Variants in LVRN observed in about 807,000 individuals in gnomAD.
The protein encoded by LVRN is aminopeptidase Q.
Under a neutral mutation model 111.4 loss-of-function variants are expected in LVRN, and 99 were observed. The ratio of observed to expected loss-of-function variants is 0.89; its 90% CI spans 0.76 to 1.05. The LOEUF (loss-of-function observed/expected upper bound fraction) is 1.05. Ranked by LOEUF, LVRN falls within the 50% of genes least tolerant of loss-of-function variation. The pLI is 0.00. For missense variants in LVRN, 1,414 were observed against 1,206.8 expected, an observed-to-expected ratio of 1.17 and a Z score of -2.54; for synonymous variants, 488 against 449.5, an observed-to-expected ratio of 1.09 and a Z score of -1.08.
chr5:115,987,975 C>T (rs956727044), intron 4 of LVRN, 36 bp downstream of exon 4: 2 of 1,594,606 alleles, frequency 1.3e-6, no homozygotes, highest in Non-Finnish European at 1.7e-6. Flanking sequence ...CATTTGGTTT[C>T]CTGTTATTTG....
Position 116,015,748 on chromosome 5 carries a change from G to T in LVRN, c.2739G>T (p.Trp913Cys), listed in dbSNP as rs1455191468. ...YVAKDFLVNN[W>C]QAVSKRYGTQ... Reference sequence around the variant, plus strand: ...CAAAAGACTTCTTAGTCAACAACTGGCAAGCTGTGAGTAAAAGGTAAGAAG... The same window carrying T: ...CAAAAGACTTCTTAGTCAACAACTGTCAAGCTGTGAGTAAAAGGTAAGAAG... Residue 913 changes from tryptophan to cysteine, a missense_variant, in exon 18 of 20, where the codon TGG becomes TGT. Transcript: ENST00000357872. 1 of 1,613,174 alleles carries T rather than the reference G, an allele frequency of 6.2e-7. No homozygotes were observed. Among genetic ancestry groups the T allele is most frequent in the African/African-American group, 1.3e-5 (1 of 74,860 alleles).
intron 1 of LVRN, among the ~76,000 whole-genome samples, chr5:115,969,898 C>T (rs1753286182): frequency 6.6e-6 from 1 of 151,236 alleles, no homozygotes; most frequent in African/African-American, 2.4e-5. Flanking sequence ...TTTTAATATC[C>T]TTGAGCATAT....
At chr5:116,024,245 A>G (rs181470515) in intron 19 of LVRN, among the ~76,000 whole-genome samples, 3 of 152,290 alleles carry the variant, frequency 2.0e-5, no homozygotes, top group Admixed American at 1.3e-4. Context: ...TCCCGATAAA[A>G]TTGATTAAAA....
At chr5:115,975,868 C>A (rs1402126591) in intron 1 of LVRN, 2 of 155,550 alleles carry the variant, frequency 1.3e-5, no homozygotes, top group Non-Finnish European at 1.5e-5. Context: ...TAAATCAATT[C>A]TGTGTTCTGA....
intron 10 of LVRN, among the ~76,000 whole-genome samples, chr5:116,001,996 C>T (rs1481818892): frequency 6.6e-6 from 1 of 152,228 alleles, no homozygotes; most frequent in Non-Finnish European, 1.5e-5. Context: ...TTAATCTTCA[C>T]ATTTCATTGC....
chr5:115,993,516 T>C (rs1748040901), intron 5 of LVRN, among the ~76,000 whole-genome samples: 1 of 152,200 alleles, frequency 6.6e-6, no homozygotes, highest in South Asian at 2.1e-4. Flanking sequence ...AAAATTGCTT[T>C]TAATAATTGA....
chr5:115,982,074 C>T (rs780037318), intron 1 of LVRN, among the ~76,000 whole-genome samples: 3 of 152,074 alleles, frequency 2.0e-5, no homozygotes, highest in Non-Finnish European at 4.4e-5. Flanking sequence ...CCACAGGGCT[C>T]GTTCCAGTCT....
rs373152073 is a variant in LVRN at position 116,026,097 on chromosome 5, G to A, written c.2952G>A (p.Ala984=). The change falls in exon 20 of 20, where the codon GCG becomes GCA. Residue 984 remains alanine (A), a synonymous_variant. Coordinates refer to ENST00000357872, the MANE Select transcript of LVRN (RefSeq NM_173800.5). ...KNKKLSARIA[A]WLRRNT The stretch of plus-strand genomic sequence containing the variant: ...AGAAGCTAAGTGCCAGGATAGCTGC[G>A]TGGCTAAGGAGAAACACATAGCTTG... 159 of 1,613,794 alleles carry A rather than the reference G, an allele frequency of 9.9e-5. 1 individual carries two copies. The highest frequency in any genetic ancestry group is 3.8e-4 in the East Asian group (17 of 44,870).
intron 4 of LVRN, among the ~76,000 whole-genome samples, chr5:115,990,404 C>A (rs1025986002): frequency 1.3e-5 from 2 of 151,992 alleles, no homozygotes; most frequent in Admixed American, 6.6e-5. Flanking sequence ...TGAAGTATTT[C>A]TTTGGTGCAT....
At chr5:115,998,412 T>TAA (rs1561562830) in intron 6 of LVRN, among the ~76,000 whole-genome samples, 1 of 152,144 alleles carries the variant, frequency 6.6e-6, no homozygotes, top group East Asian at 1.9e-4. Flanking sequence ...ATGAGCAAGA[T>TAA]AAAAAGTTTT....
chr5:115,968,230 A>G (rs1022738965), intron 1 of LVRN, among the ~76,000 whole-genome samples: 8 of 151,058 alleles, frequency 5.3e-5, no homozygotes, highest in Non-Finnish European at 1.2e-4. Flanking sequence ...AGGTTTCTGT[A>G]TATGTTTTTT....
chr5:116,016,689 A>G (rs1420171521), intron 18 of LVRN, among the ~76,000 whole-genome samples: 1 of 152,210 alleles, frequency 6.6e-6, no homozygotes, highest in East Asian at 1.9e-4. Flanking sequence ...GGAAACCTAG[A>G]GTTTTCCATA....
chr5:115,990,165 CTCAAG>C (rs2112581209), intron 4 of LVRN, among the ~76,000 whole-genome samples: 1 of 152,254 alleles, frequency 6.6e-6, no homozygotes, highest in African/African-American at 2.4e-5. Context: ...TTAATTCACT[CTCAAG>C]TCAAAAGTTG....
chr5:115,974,893 A>G (rs1469997747), intron 1 of LVRN: 1 of 458,960 alleles, frequency 2.2e-6, no homozygotes, highest in Non-Finnish European at 4.4e-6. Flanking sequence ...GTTCTGTATC[A>G]CCATGCAGAG....
intron 18 of LVRN, 142 bp from the exon 19 acceptor site, chr5:116,022,249 A>T (rs187644773): frequency 5.2e-4 from 320 of 615,706 alleles, no homozygotes; most frequent in Non-Finnish European, 8.6e-4. Flanking sequence ...ATGAAGCTAA[A>T]CTAGTTCATA....
chr5:116,000,795 T>G lies in LVRN; in HGVS notation c.1647+137T>G, dbSNP rs1748221943. 3.3e-6 allele frequency: 3 copies of G among 918,304 alleles called. No homozygotes were observed. In the East Asian group the frequency reaches 7.8e-5, roughly 24 times the overall value. The allele number at this position is 918,304 out of a possible 1,614,324, so 56.9% of individuals were successfully genotyped here. ...TTGTAGAACTCCCTTAGGTCATGGG[T>G]AGTGTCTTTAGTCTTCACTATATTC... On this transcript the variant is annotated intron_variant, in intron 9 of 19. Coordinates refer to ENST00000357872, the MANE Select transcript of LVRN (RefSeq NM_173800.5).
At chr5:115,985,752 C>G (rs964452907) in intron 3 of LVRN, among the ~76,000 whole-genome samples, 2 of 152,176 alleles carry the variant, frequency 1.3e-5, no homozygotes, top group African/African-American at 4.8e-5. Context: ...CCAATTACCC[C>G]CTTTATAATA....
chr5:115,965,282 G>C lies in LVRN; in HGVS notation c.695+1970G>C, dbSNP rs552412739. Among the ~76,000 whole-genome samples, 4 of 152,292 alleles carry C rather than the reference G, an allele frequency of 2.6e-5. No individual in the cohort carries two copies. In the South Asian group the frequency reaches 8.3e-4, roughly 32 times the overall value. ...AAGAAGATTCCCAGAGGAGAAGAAG[G>C]CAGAAGCTGGGGAGTGGGGAGTTAT... On this transcript the variant is annotated intron_variant, in intron 1 of 19. Coordinates refer to ENST00000357872, the MANE Select transcript of LVRN (RefSeq NM_173800.5).
Position 116,005,201 on chromosome 5 carries a change from A to G in LVRN, c.2038-711A>G, listed in dbSNP as rs1430622164. On this transcript the variant is annotated intron_variant, in intron 12 of 19. Coordinates refer to ENST00000357872, the MANE Select transcript of LVRN (RefSeq NM_173800.5). ...TATACCAACTGAAGAATTAAACTTG[A>G]CTTGCTCGGACCCTTAAAGAAATGC... 3.9e-5 allele frequency among the ~76,000 whole-genome samples: 6 copies of G among 152,232 alleles called. No homozygotes were observed. In the East Asian group the frequency reaches 1.2e-3, roughly 29 times the overall value.
Sources: gnomAD v4.1 joint callset for allele counts (sites outside exome capture counted in the v4.1 genomes callset) on GRCh38, gnomAD v4.1.1 for gene constraint, MANE v1.5 for transcripts, NCBI Gene and HGNC (gene_info 2026-07-23, HGNC 2026-07-21) for gene names.